Variants in NRL observed in about 807,000 individuals in gnomAD.
The protein encoded by NRL is neural retina leucine zipper.
Under a neutral mutation model 12.5 loss-of-function variants are expected in NRL, and 16 were observed. The ratio of observed to expected loss-of-function variants is 1.28; its 90% CI spans 0.87 to 1.95. The LOEUF is 1.95. Ranked by LOEUF, NRL falls within the 30% of genes most tolerant of loss-of-function variation. NRL has a pLI of 0.00. For synonymous variants in NRL, 142 were observed against 150.9 expected (o/e 0.94, Z 0.43); for missense variants, 314 against 325.8 (o/e 0.96, Z 0.28).
chr14:24,081,335 C>G lies in NRL; in HGVS notation c.615G>C (p.Val205=), dbSNP rs1479281745. Residue 205 remains valine (V), a synonymous_variant, in exon 3 of 3, where the codon GTG becomes GTC. Coordinates refer to ENST00000561028, the MANE Select transcript of NRL (RefSeq NM_001354768.3). This position sits in a 1 kb window ranked among gnomAD's most constrained non-coding sequence, Gnocchi z 4.4. ...GATCGCGCTCCCGGGCCAGGCGGGC[C>G]ACCTCGGCCCGCAGCGCGTCCAGCT... ...AAQLDALRAE[V]ARLARERDLY... 1 of 1,471,614 alleles carries G rather than the reference C, an allele frequency of 6.8e-7. No individual in the cohort carries two copies. Among genetic ancestry groups the G allele is most frequent in the African/African-American group, 1.5e-5 (1 of 68,262 alleles). The allele number at this position is 1,471,614 out of a possible 1,614,324, so 91.2% of individuals were successfully genotyped here.
chr14:24,102,885 C>T, intron 1 of NRL: 2 of 1,613,258 alleles, frequency 1.2e-6, no homozygotes, highest in South Asian at 1.1e-5. Flanking sequence ...GGCCGCAGAC[C>T]CAAAGGTAAA....
chr14:24,094,336 C>T lies in NRL; in HGVS notation c.-27-11461G>A. The T allele has an allele frequency of 6.9e-7, 1 of 1,447,918 alleles. No individual in the cohort carries two copies. Among genetic ancestry groups the T allele is most frequent in the South Asian group, 1.2e-5 (1 of 82,034 alleles). 89.7% of individuals were successfully genotyped at this position (1,447,918 alleles called of 1,614,324 possible). On this transcript the variant is annotated intron_variant, in intron 1 of 2. Transcript: ENST00000561028. The surrounding 1 kb of genome is among the most constrained non-coding windows in gnomAD (Gnocchi z 4.1). ...GTGGCTCGCTTCGCCGCGCTCCCTC[C>T]TTCCCCGCCTTCCATACCTCCCCGG...
Position 24,079,016 on chromosome 14 carries a change from G to T in NRL, c.*2220C>A, listed in dbSNP as rs988561877. Among the ~76,000 whole-genome samples, 4 of 152,152 alleles carry T rather than the reference G, an allele frequency of 2.6e-5. No homozygotes were observed. Among genetic ancestry groups the T allele is most frequent in the African/African-American group, 9.7e-5 (4 of 41,424 alleles). Reference sequence around the variant, plus strand: ...GACAGGGTTCTCGCTATGTTGCCCAGGCTGGTCTCAAACTTCCTCCTTGGC... The same window carrying T: ...GACAGGGTTCTCGCTATGTTGCCCATGCTGGTCTCAAACTTCCTCCTTGGC... On this transcript the variant is annotated 3_prime_UTR_variant, in exon 3 of 3. Coordinates refer to ENST00000561028, the MANE Select transcript of NRL (RefSeq NM_001354768.3).
At position 24,114,780 on chromosome 14, in the gene NRL, T is replaced by G; in HGVS notation, c.-86A>C. ...TGGCCAAGGGGGCGGGGCCGTCGTG[T>G]GACGTTTGCAGCCCGCCGGCCAGGA... is the stretch of plus-strand genomic sequence containing the variant. On this transcript the variant is annotated 5_prime_UTR_variant, in exon 1 of 3. Transcript: ENST00000561028. 1 of 985,926 alleles carries G rather than the reference T, an allele frequency of 1.0e-6. No individual in the cohort carries two copies. The highest frequency in any genetic ancestry group is 1.2e-6 in the Non-Finnish European group (1 of 829,946). 61.1% of individuals were successfully genotyped at this position (985,926 alleles called of 1,614,324 possible).
At chr14:24,103,292 GCACAC>G (rs756880479) in intron 1 of NRL, 1 of 1,487,064 alleles carries the variant, frequency 6.7e-7, no homozygotes, top group African/African-American at 1.4e-5. Context: ...TCCTGTGTGT[GCACAC>G]AGCACGTCCT....
Position 24,094,712 on chromosome 14 carries a change from T to C in NRL, c.-27-11837A>G. ...TGCCACTCTCAGAACTTCCTCTCTC[T>C]CCTCGCTCCTCTCTGCTGAGCCAGG... On this transcript the variant is annotated intron_variant, in intron 1 of 2. Coordinates refer to ENST00000561028, the MANE Select transcript of NRL (RefSeq NM_001354768.3). The surrounding 1 kb of genome is among the most constrained non-coding windows in gnomAD (Gnocchi z 4.1). 1 of 1,501,908 alleles carries C rather than the reference T, an allele frequency of 6.7e-7. No homozygotes were observed. The highest frequency in any genetic ancestry group is 1.2e-5 in the South Asian group (1 of 82,866). 93.0% of individuals were successfully genotyped at this position (1,501,908 alleles called of 1,614,324 possible).
chr14:24,102,325 A>G (rs2037194580), intron 1 of NRL, among the ~76,000 whole-genome samples: 1 of 152,258 alleles, frequency 6.6e-6, no homozygotes, highest in Non-Finnish European at 1.5e-5. Context: ...TGTCTGAAGT[A>G]CTAAGCTGAC....
chr14:24,079,494 G>C lies in NRL; in HGVS notation c.*1742C>G, dbSNP rs925151211. On this transcript the variant is annotated 3_prime_UTR_variant, in exon 3 of 3. Coordinates refer to ENST00000561028, the MANE Select transcript of NRL (RefSeq NM_001354768.3). ...AGAGGATGGCCAGTGGCCAATGGTG[G>C]GGAAGGGAGAGGAGACGAGAGAAAT... 6.6e-6 allele frequency among the ~76,000 whole-genome samples: 1 copy of C among 152,216 alleles called. No individual in the cohort carries two copies. Among genetic ancestry groups the C allele is most frequent in the East Asian group, 1.9e-4 (1 of 5,186 alleles).
chr14:24,114,132 C>G (rs1480047229), intron 1 of NRL: 1 of 152,356 alleles, frequency 6.6e-6, no homozygotes, highest in Non-Finnish European at 1.5e-5. Flanking sequence ...TAGCGAAGGT[C>G]TGCAAATCCC....
At chr14:24,102,692 A>T in intron 1 of NRL, 1 of 1,399,702 alleles carries the variant, frequency 7.1e-7, no homozygotes, top group African/African-American at 1.4e-5. Flanking sequence ...GTGCCCATGT[A>T]TGTGTGTGTT....
intron 1 of NRL, chr14:24,099,949 A>G: frequency 1.2e-6 from 2 of 1,613,560 alleles, no homozygotes; most frequent in Non-Finnish European, 1.7e-6. Context: ...CTTACATCTC[A>G]AGTTTTCCTT....
In NRL at chr14:24,094,240, T is replaced by A. The variant is rs1351629435; in HGVS notation, c.-27-11365A>T. 5 of 652,122 alleles carry A rather than the reference T, an allele frequency of 7.7e-6. No homozygotes were observed. The highest frequency in any genetic ancestry group is 1.3e-5 in the Non-Finnish European group (5 of 384,890). The allele number at this position is 652,122 out of a possible 1,614,324, so 40.4% of individuals were successfully genotyped here. On this transcript the variant is annotated intron_variant, in intron 1 of 2. Transcript: ENST00000561028. This position sits in a 1 kb window ranked among gnomAD's most constrained non-coding sequence, Gnocchi z 4.1. ...TGCCAGCGGGGCGGAGGAAAGCTAGTGCCAGCCCTACCAGGTTCCGCCCCC... is the reference window on the plus strand; with the variant it reads ...TGCCAGCGGGGCGGAGGAAAGCTAGAGCCAGCCCTACCAGGTTCCGCCCCC...
At position 24,081,884 on chromosome 14, in the gene NRL, C is replaced by T. The variant is rs1220490152; in HGVS notation, c.382-316G>A. 1.5e-6 allele frequency: 2 copies of T among 1,337,160 alleles called. No homozygotes were observed. 82.8% of individuals were successfully genotyped at this position (1,337,160 alleles called of 1,614,324 possible). A position where few individuals can be genotyped will look rare whatever the true frequency, so the allele number is the denominator to read the frequency against. ...GATCCCCGGCATCCAGCTCCAGGCC[C>T]GGGTGTGTCCAGTGGACCCGCACCC... On this transcript the variant is annotated intron_variant, in intron 2 of 2. Coordinates refer to ENST00000561028, the MANE Select transcript of NRL (RefSeq NM_001354768.3). The surrounding 1 kb of genome is among the most constrained non-coding windows in gnomAD (Gnocchi z 4.4).
chr14:24,088,471 G>A (rs1015270890), intron 1 of NRL, among the ~76,000 whole-genome samples: 2 of 152,258 alleles, frequency 1.3e-5, no homozygotes, highest in Non-Finnish European at 2.9e-5. Flanking sequence ...CTGAGGGCCA[G>A]TGGCCAAAAC....
At position 24,092,344 on chromosome 14, in the gene NRL, T is replaced by C. The variant is rs182066922; in HGVS notation, c.-27-9469A>G. 5.3e-5 allele frequency among the ~76,000 whole-genome samples: 8 copies of C among 152,294 alleles called. No homozygotes were observed. In the East Asian group the frequency reaches 1.3e-3, roughly 26 times the overall value. On this transcript the variant is annotated intron_variant, in intron 1 of 2. Coordinates refer to ENST00000561028, the MANE Select transcript of NRL (RefSeq NM_001354768.3). ...TTGAGGGCTAATTGAGAAGTACAAT[T>C]CCAAAGGTCCTGGCATCTGATTAGC...
intron 1 of NRL, chr14:24,098,124 A>T: frequency 8.2e-7 from 1 of 1,219,620 alleles, no homozygotes; most frequent in Non-Finnish European, 1.1e-6. Context: ...CTGGAGTCAA[A>T]GTTGGACTTG....
In NRL at chr14:24,114,808, C is replaced by T. The variant is rs1476590076; in HGVS notation, c.-114G>A. 6.1e-6 allele frequency: 6 copies of T among 985,862 alleles called. No individual in the cohort carries two copies. The highest frequency in any genetic ancestry group is 7.2e-6 in the Non-Finnish European group (6 of 829,968). 61.1% of individuals were successfully genotyped at this position (985,862 alleles called of 1,614,324 possible). A position where few individuals can be genotyped will look rare whatever the true frequency, so the allele number is the denominator to read the frequency against. On this transcript the variant is annotated 5_prime_UTR_variant, in exon 1 of 3. Transcript: ENST00000561028. ...CGTTTGCAGCCCGCCGGCCAGGAAG[C>T]CGCGAGATGCGTGACGAGCGAAGCG...
intron 1 of NRL, among the ~76,000 whole-genome samples, chr14:24,092,377 G>T (rs1175040895): frequency 1.3e-5 from 2 of 152,240 alleles, no homozygotes; most frequent in East Asian, 3.8e-4. Context: ...AGCTATGCAG[G>T]ATAAGAATAG....
intron 1 of NRL, chr14:24,099,127 C>G: frequency 1.2e-6 from 2 of 1,612,416 alleles, no homozygotes; most frequent in Non-Finnish European, 1.7e-6. Context: ...GAGATCATCT[C>G]CTTCGGCAGC....
Sources: allele counts gnomAD v4.1 joint callset (sites outside exome capture counted in the v4.1 genomes callset), GRCh38; gene constraint gnomAD v4.1.1; non-coding constraint Gnocchi (gnomAD v3.1); transcripts MANE v1.5; gene names NCBI Gene and HGNC (gene_info 2026-07-23, HGNC 2026-07-21).